Variants in SCHIP1 observed in about 807,000 individuals in gnomAD.
SCHIP1 encodes the protein schwannomin interacting protein 1, also known as schwannomin-interacting protein 1.
SCHIP1 carries 8 observed loss-of-function variants against 29.7 expected under a neutral mutation model. The observed-to-expected ratio is 0.27, with a 90% CI of 0.16 to 0.49. The LOEUF (loss-of-function observed/expected upper bound fraction) is 0.49, where lower values mean the gene tolerates loss of function less well. Ranked by LOEUF, SCHIP1 falls within the 20% of genes least tolerant of loss-of-function variation. The pLI is 0.99. For synonymous variants in SCHIP1, 76 were observed against 94.9 expected (o/e 0.80, Z 1.16); for missense variants, 193 against 294.6 (o/e 0.66, Z 2.52).
the SCHIP1 span, among the ~76,000 whole-genome samples, chr3:159,680,489 C>G: frequency 7.6e-6 from 1 of 130,748 alleles, no homozygotes; most frequent in African/African-American, 3.0e-5. Context: ...AGCCTGGTGA[C>G]AGAGCAAGAT....
At chr3:159,583,026 T>C in the SCHIP1 span, among the ~76,000 whole-genome samples, 2 of 152,150 alleles carry the variant, frequency 1.3e-5, no homozygotes, top group African/African-American at 4.8e-5. Flanking sequence ...GTTCATTTAT[T>C]TAAAAGCTTT....
At chr3:159,758,036 T>C in the SCHIP1 span, among the ~76,000 whole-genome samples, 2 of 152,252 alleles carry the variant, frequency 1.3e-5, no homozygotes, top group African/African-American at 4.8e-5. Flanking sequence ...TGACTTATAA[T>C]GCTTCCCTGA....
chr3:159,449,234 A>G, the SCHIP1 span, among the ~76,000 whole-genome samples: 8 of 152,124 alleles, frequency 5.3e-5, no homozygotes, highest in African/African-American at 1.9e-4. Flanking sequence ...TCTTGACTCC[A>G]TTTGTAAAAT....
the SCHIP1 span, among the ~76,000 whole-genome samples, chr3:159,726,466 T>C: frequency 6.6e-6 from 1 of 152,208 alleles, no homozygotes; most frequent in Non-Finnish European, 1.5e-5. Flanking sequence ...GTTTAAGTCT[T>C]CTGTTCTGAA....
At chr3:159,535,165 G>A in the SCHIP1 span, among the ~76,000 whole-genome samples, 2 of 152,142 alleles carry the variant, frequency 1.3e-5, no homozygotes, top group South Asian at 4.2e-4. Context: ...TATTATGACT[G>A]AGGTAAACAA....
At chr3:159,638,816 A>C in the SCHIP1 span, among the ~76,000 whole-genome samples, 3 of 152,102 alleles carry the variant, frequency 2.0e-5, no homozygotes, top group African/African-American at 2.4e-5. Flanking sequence ...CGTATTTATG[A>C]ATATTCACAT....
the SCHIP1 span, among the ~76,000 whole-genome samples, chr3:159,367,398 CAAAA>C: frequency 1.6e-4 from 20 of 128,130 alleles, no homozygotes; most frequent in Non-Finnish European, 2.9e-4. Context: ...AACTCCATCT[CAAAA>C]AAAAAAAAAA....
At chr3:159,748,911 T>A in the SCHIP1 span, among the ~76,000 whole-genome samples, 22 of 152,332 alleles carry the variant, frequency 1.4e-4, no homozygotes, top group South Asian at 1.2e-3. Context: ...GTCTACTTTA[T>A]TTTTTACAAT....
At chr3:159,422,563 G>A in the SCHIP1 span, among the ~76,000 whole-genome samples, 1 of 152,110 alleles carries the variant, frequency 6.6e-6, no homozygotes, top group African/African-American at 2.4e-5. Flanking sequence ...CCCAGATCAA[G>A]AAACAGAAAA....
chr3:159,313,373 G>T, the SCHIP1 span, among the ~76,000 whole-genome samples: 1 of 152,144 alleles, frequency 6.6e-6, no homozygotes, highest in Non-Finnish European at 1.5e-5. Context: ...TTTCTGTTTA[G>T]TGCCTAGGGA....
chr3:159,633,426 G>C, the SCHIP1 span, among the ~76,000 whole-genome samples: 2 of 152,176 alleles, frequency 1.3e-5, no homozygotes, highest in African/African-American at 4.8e-5. Flanking sequence ...GTGGGAGAGA[G>C]AGAAAGGGCC....
At chr3:159,523,454 G>A in the SCHIP1 span, among the ~76,000 whole-genome samples, 35 of 152,084 alleles carry the variant, frequency 2.3e-4, no homozygotes, top group Non-Finnish European at 3.8e-4. Flanking sequence ...TATTTAAACC[G>A]ATTGGAAATA....
the SCHIP1 span, among the ~76,000 whole-genome samples, chr3:159,355,585 T>C: frequency 6.6e-6 from 1 of 152,186 alleles, no homozygotes; most frequent in Non-Finnish European, 1.5e-5. Context: ...TCTGGTACTA[T>C]GTATTTATCC....
At chr3:159,290,279 T>C in the SCHIP1 span, among the ~76,000 whole-genome samples, 5 of 152,172 alleles carry the variant, frequency 3.3e-5, no homozygotes, top group East Asian at 9.6e-4. Context: ...ATATATAGTA[T>C]TCTACTTTTC....
At chr3:159,428,263 A>AT in the SCHIP1 span, among the ~76,000 whole-genome samples, 2 of 152,170 alleles carry the variant, frequency 1.3e-5, no homozygotes, top group African/African-American at 4.8e-5. Context: ...CAGGCAACCT[A>AT]CAAAATGGGA....
the SCHIP1 span, chr3:159,273,986 G>A: frequency 5.3e-6 from 8 of 1,523,560 alleles, no homozygotes; most frequent in Non-Finnish European, 7.1e-6. Context: ...AATTTAAGCT[G>A]ATGGCCTTCA....
the SCHIP1 span, among the ~76,000 whole-genome samples, chr3:159,794,452 C>G: frequency 6.6e-6 from 1 of 152,242 alleles, no homozygotes; most frequent in African/African-American, 2.4e-5. Flanking sequence ...AGGTAGAGAA[C>G]TTTTCTGCTA....
chr3:159,504,792 C>T, the SCHIP1 span, among the ~76,000 whole-genome samples: 1 of 152,138 alleles, frequency 6.6e-6, no homozygotes, highest in Non-Finnish European at 1.5e-5. Flanking sequence ...CTGGAGAAAA[C>T]TCTGTGAACA....
the SCHIP1 span, among the ~76,000 whole-genome samples, chr3:159,744,413 T>TTC: frequency 1.3e-5 from 2 of 152,150 alleles, no homozygotes; most frequent in East Asian, 1.9e-4. Context: ...ATCTCTTTCT[T>TTC]TCTCTCTCTC....
Sources: gnomAD v4.1 joint callset for allele counts (sites outside exome capture counted in the v4.1 genomes callset) on GRCh38, gnomAD v4.1.1 for gene constraint, MANE v1.5 for transcripts, NCBI Gene and HGNC (gene_info 2026-07-23, HGNC 2026-07-21) for gene names.